Variants in UNC5D observed in about 807,000 individuals in gnomAD.
The protein encoded by UNC5D is netrin receptor UNC5D.
In UNC5D, 39 loss-of-function variants were observed where a neutral mutation model predicts 105.4. That is an observed-to-expected ratio of 0.37 (90% CI 0.29 to 0.48). The LOEUF is 0.48. UNC5D is among the 20% of genes least tolerant of loss of function. The pLI, the probability that UNC5D is intolerant of heterozygous loss-of-function variation, is 0.98. For missense variants in UNC5D, 991 were observed against 1,202.4 expected (o/e 0.82, Z 2.60); for synonymous variants, 452 against 450.4 (o/e 1.00, Z -0.04).
intron 4 of UNC5D, among the ~76,000 whole-genome samples, chr8:35,601,010 C>T (rs1362911777): frequency 1.3e-5 from 2 of 152,042 alleles, no homozygotes; most frequent in Non-Finnish European, 2.9e-5. Context: ...TTTCAGCTTT[C>T]TACATATGGC....
At chr8:35,462,143 T>C (rs1370527372) in intron 1 of UNC5D, among the ~76,000 whole-genome samples, 2 of 152,290 alleles carry the variant, frequency 1.3e-5, no homozygotes, top group Middle Eastern at 3.4e-3. Flanking sequence ...CCCAGTTTTC[T>C]CTCAAGCCCT....
chr8:35,451,834 C>T (rs1808171666), intron 1 of UNC5D, among the ~76,000 whole-genome samples: 1 of 152,106 alleles, frequency 6.6e-6, no homozygotes, highest in Non-Finnish European at 1.5e-5. Context: ...TGTTGTTCTG[C>T]ACAGTGTGAT....
At position 35,750,574 on chromosome 8, in the gene UNC5D, C is replaced by T. The variant is rs760815137; in HGVS notation, c.1936-8C>T. 1.2e-6 allele frequency: 2 copies of T among 1,613,714 alleles called. No homozygotes were observed. The highest frequency in any genetic ancestry group is 1.7e-6 in the Non-Finnish European group (2 of 1,179,626). On this transcript the variant is annotated splice_polypyrimidine_tract_variant and splice_region_variant and intron_variant, in intron 12 of 16. Coordinates refer to ENST00000404895, the MANE Select transcript of UNC5D (RefSeq NM_080872.4). ...CAAGTGAGAGAATAAACATACCTTT[C>T]CCAACAGGAAGTGATGTCAGTGGAA...
chr8:35,624,222 T>C (rs1821551321), intron 4 of UNC5D, among the ~76,000 whole-genome samples: 1 of 152,242 alleles, frequency 6.6e-6, no homozygotes, highest in Non-Finnish European at 1.5e-5. Context: ...ATAACACTAA[T>C]GGATTACAGA....
At chr8:35,319,444 G>C (rs1010792787) in intron 1 of UNC5D, among the ~76,000 whole-genome samples, 2 of 152,062 alleles carry the variant, frequency 1.3e-5, no homozygotes, top group Non-Finnish European at 2.9e-5. Flanking sequence ...TGTGCATTTG[G>C]GTAAAGGTCA....
At chr8:35,755,224 C>T (rs965805631) in intron 13 of UNC5D, among the ~76,000 whole-genome samples, 2 of 152,092 alleles carry the variant, frequency 1.3e-5, no homozygotes, top group Admixed American at 6.5e-5. Flanking sequence ...AGGAATTAAG[C>T]TGTTACCCTA....
intron 1 of UNC5D, among the ~76,000 whole-genome samples, chr8:35,523,578 C>CTTTT (rs33917742): frequency 4.1e-5 from 4 of 97,538 alleles, no homozygotes; most frequent in Non-Finnish European, 4.3e-5. Context: ...GTAATGTGCT[C>CTTTT]TTTTTTTTTT....
chr8:35,253,428 AT>A (rs773833017), intron 1 of UNC5D, among the ~76,000 whole-genome samples: 74 of 102,750 alleles, frequency 7.2e-4, no homozygotes, highest in Middle Eastern at 0.015. Context: ...CCTGGAGTAG[AT>A]TTTTTTTTTC....
chr8:35,440,159 A>T (rs1047375768), intron 1 of UNC5D, among the ~76,000 whole-genome samples: 3 of 151,850 alleles, frequency 2.0e-5, no homozygotes, highest in Non-Finnish European at 2.9e-5. Flanking sequence ...GCTCTACCTA[A>T]CTCCATTCTT....
intron 1 of UNC5D, among the ~76,000 whole-genome samples, chr8:35,302,466 C>T (rs538104802): frequency 2.0e-5 from 3 of 152,296 alleles, no homozygotes; most frequent in Admixed American, 6.5e-5. Flanking sequence ...TTCACCAGGG[C>T]TTTTAGACGA....
Position 35,657,554 on chromosome 8 carries a change from A to G in UNC5D, c.571-25993A>G, listed in dbSNP as rs1182444673. On this transcript the variant is annotated intron_variant, in intron 4 of 16. Transcript: ENST00000404895. ...GGCTGGAGTGCAGTGGCTGGATCAT[A>G]GCTCACTGTAACCTTGGACTCCTGG... Among the ~76,000 whole-genome samples the G allele has an allele frequency of 2.0e-5, 3 of 152,138 alleles. No individual in the cohort carries two copies. In the East Asian group the frequency reaches 5.8e-4, roughly 29 times the overall value.
chr8:35,779,527 C>T (rs146974718), intron 16 of UNC5D, among the ~76,000 whole-genome samples: 1,646 of 152,156 alleles, frequency 0.011, 22 homozygotes, highest in African/African-American at 0.036. Context: ...GGCACAATCT[C>T]GGCTTACTGC....
At chr8:35,268,755 AC>A (rs1404265767) in intron 1 of UNC5D, among the ~76,000 whole-genome samples, 3 of 152,162 alleles carry the variant, frequency 2.0e-5, no homozygotes, top group Non-Finnish European at 2.9e-5. Flanking sequence ...AATGCTCATA[AC>A]ACCCCTATGA....
Position 35,235,688 on chromosome 8 carries a change from C to T in UNC5D, c.-97C>T. 3 of 923,222 alleles carry T rather than the reference C, an allele frequency of 3.2e-6. No individual in the cohort carries two copies. Among genetic ancestry groups the T allele is most frequent in the South Asian group, 1.1e-4 (2 of 17,668 alleles). The allele number at this position is 923,222 out of a possible 1,614,324, so 57.2% of individuals were successfully genotyped here. A position where few individuals can be genotyped will look rare whatever the true frequency, so the allele number is the denominator to read the frequency against. On this transcript the variant is annotated 5_prime_UTR_variant, in exon 1 of 17. Transcript: ENST00000404895. ...GTGGAGCAGAGTCACTCTCTGAAGA[C>T]TCCCGAGACCCATTCGACTCGGGAC...
rs1810610700 is a variant in UNC5D, at chr8:35,483,233, A to G, written c.104-66059A>G. On this transcript the variant is annotated intron_variant, in intron 1 of 16. Coordinates refer to ENST00000404895, the MANE Select transcript of UNC5D (RefSeq NM_080872.4). ...TTATATGGTTACAGCACAGGGTGATACAGAATTTACTCTAAGCATTGTGGA... is the reference window on the plus strand; with the variant it reads ...TTATATGGTTACAGCACAGGGTGATGCAGAATTTACTCTAAGCATTGTGGA... Among the ~76,000 whole-genome samples the G allele has an allele frequency of 3.9e-5, 6 of 152,132 alleles. 1 individual carries two copies. In the South Asian group the frequency reaches 1.2e-3, roughly 31 times the overall value.
chr8:35,525,085 G>T, intron 1 of UNC5D: 2 of 1,298,984 alleles, frequency 1.5e-6, no homozygotes, highest in Non-Finnish European at 2.2e-6. Flanking sequence ...AGGACATATA[G>T]GATCCCTTCC....
chr8:35,657,078 G>GTGTGTATATATATATATATATA (rs1823801558), intron 4 of UNC5D, among the ~76,000 whole-genome samples: 3 of 80,556 alleles, frequency 3.7e-5, no homozygotes, highest in African/African-American at 1.8e-4. Flanking sequence ...GTGTGTGTGT[G>GTGTGTATATATATATATATATA]TGTATATATA....
rs62503921 is a variant in UNC5D at position 35,271,728 on chromosome 8, T to G, written c.103+35841T>G. On this transcript the variant is annotated intron_variant, in intron 1 of 16. Transcript: ENST00000404895. Reference sequence around the variant, plus strand: ...ACATATATATTTATACATGTATACATGTATACATATATATTTATACATGTA... The same window carrying G: ...ACATATATATTTATACATGTATACAGGTATACATATATATTTATACATGTA... Among the ~76,000 whole-genome samples the G allele has an allele frequency of 8.9e-4, 107 of 120,258 alleles. 4 individuals are homozygous for G. The highest frequency in any genetic ancestry group is 3.1e-3 in the African/African-American group (88 of 28,534). 78.9% of individuals were successfully genotyped at this position (120,258 alleles called of 152,430 possible).
intron 1 of UNC5D, among the ~76,000 whole-genome samples, chr8:35,260,073 G>T (rs532893982): frequency 6.6e-6 from 1 of 152,076 alleles, no homozygotes; most frequent in Admixed American, 6.6e-5. Context: ...ATCTCTAACC[G>T]CTGAGAATGA....
Sources: allele counts gnomAD v4.1 joint callset (sites outside exome capture counted in the v4.1 genomes callset), GRCh38; gene constraint gnomAD v4.1.1; transcripts MANE v1.5; gene names NCBI Gene and HGNC (gene_info 2026-07-23, HGNC 2026-07-21).